Variants in H6PD observed in about 807,000 individuals in gnomAD.
H6PD encodes the protein GDH/6PGL endoplasmic bifunctional protein.
In H6PD, 48 loss-of-function variants were observed where a neutral mutation model predicts 61.2. The observed-to-expected ratio is 0.78, with a 90% CI of 0.62 to 1.00. H6PD has a LOEUF of 1.00. Ranked by LOEUF, H6PD falls within the 50% of genes least tolerant of loss-of-function variation. The probability of loss-of-function intolerance (pLI) is 0.00; values close to 1 mark genes in which losing one functional copy is unlikely to be tolerated. For missense variants in H6PD, 1,093 were observed against 1,065.0 expected, an observed-to-expected ratio of 1.03 and a Z score of -0.37; for synonymous variants, 480 against 457.9, an observed-to-expected ratio of 1.05 and a Z score of -0.62.
rs1638434209 is a variant in H6PD at position 9,263,831 on chromosome 1, C to G, written c.1338C>G (p.Tyr446Ter). Reference protein sequence around the residue: ...LRLFGSPLSDYYAYSPVRERD... With the variant: ...LRLFGSPLSD ...TTTTCGGCAGCCCTCTGTCCGATTACTACGCCTACAGCCCTGTGCGGGAGC... is the reference window on the plus strand; with the variant it reads ...TTTTCGGCAGCCCTCTGTCCGATTAGTACGCCTACAGCCCTGTGCGGGAGC... The change falls in exon 5 of 5, where the codon TAC (tyrosine) becomes TAG (stop). Residue 446 changes from tyrosine to a stop codon, truncating the protein, a stop_gained. Transcript: ENST00000377403. LOFTEE classifies it high-confidence loss of function. 2 of 1,613,954 alleles carry G rather than the reference C, an allele frequency of 1.2e-6. No homozygotes were observed. The highest frequency in any genetic ancestry group is 1.7e-6 in the Non-Finnish European group (2 of 1,180,002).
In H6PD at chr1:9,260,553, T is replaced by A. The variant is rs184344364; in HGVS notation, c.746-1506T>A. 0.017 allele frequency among the ~76,000 whole-genome samples: 2,597 copies of A among 152,310 alleles called. 237 individuals carry two copies. In the East Asian group the frequency reaches 0.27, roughly 16 times the overall value. On this transcript the variant is annotated intron_variant, in intron 3 of 4. Coordinates refer to ENST00000377403, the MANE Select transcript of H6PD (RefSeq NM_004285.4). ...TACGTTGCTGCTGTTATGTTGCCGTTGTTACTCTGCTGTTGTTATGTTGTT... is the reference window on the plus strand; with the variant it reads ...TACGTTGCTGCTGTTATGTTGCCGTAGTTACTCTGCTGTTGTTATGTTGTT...
At chr1:9,243,035 C>A in intron 1 of H6PD, 1 of 878,702 alleles carries the variant, frequency 1.1e-6, no homozygotes, top group Non-Finnish European at 1.4e-6. Context: ...GGGGAGCCAC[C>A]CGTGTGGCCC....
At chr1:9,262,825 G>A (rs74053629) in intron 4 of H6PD, among the ~76,000 whole-genome samples, 7,722 of 152,294 alleles carry the variant, frequency 0.051, 670 homozygotes, top group African/African-American at 0.17. Context: ...AGCACGCGCC[G>A]TATGCCAGGT....
At chr1:9,239,069 CAG>C (rs1475168427) in intron 1 of H6PD, among the ~76,000 whole-genome samples, 22 of 150,810 alleles carry the variant, frequency 1.5e-4, no homozygotes, top group African/African-American at 5.1e-4. Context: ...TTTTTTGAGA[CAG>C]AGTCTCACTC....
At chr1:9,237,116 C>CT (rs1341588547) in intron 1 of H6PD, among the ~76,000 whole-genome samples, 1 of 151,648 alleles carries the variant, frequency 6.6e-6, no homozygotes, top group Non-Finnish European at 1.5e-5. Flanking sequence ...CAGTGTTTTA[C>CT]ATTTTGCCAT....
At chr1:9,237,927 A>G (rs1455231468) in intron 1 of H6PD, among the ~76,000 whole-genome samples, 5 of 152,224 alleles carry the variant, frequency 3.3e-5, no homozygotes, top group Non-Finnish European at 7.3e-5. Flanking sequence ...AGAACAAAAC[A>G]AACAAAAGTC....
At chr1:9,262,710 T>C (rs1032267092) in intron 4 of H6PD, among the ~76,000 whole-genome samples, 1 of 152,206 alleles carries the variant, frequency 6.6e-6, no homozygotes, top group South Asian at 2.1e-4. Context: ...CCAAGTGCCA[T>C]GCCAGGGCTG....
intron 1 of H6PD, among the ~76,000 whole-genome samples, chr1:9,235,348 C>T (rs1388995637): frequency 6.6e-6 from 1 of 152,108 alleles, no homozygotes; most frequent in African/African-American, 2.4e-5. Flanking sequence ...CATTGATTGG[C>T]CCTCGGGTTT....
chr1:9,239,413 T>G (rs1640934746), intron 1 of H6PD, among the ~76,000 whole-genome samples: 1 of 152,150 alleles, frequency 6.6e-6, no homozygotes, highest in African/African-American at 2.4e-5. Context: ...TTGTCCCCAT[T>G]CTGGCCCTTA....
intron 1 of H6PD, chr1:9,242,711 C>G (rs1353896982): frequency 3.0e-6 from 3 of 985,344 alleles, no homozygotes; most frequent in Non-Finnish European, 3.6e-6. Context: ...AGGCTTAGCT[C>G]CTCCCTTTGT....
chr1:9,260,500 T>C (rs564710966), intron 3 of H6PD, among the ~76,000 whole-genome samples: 23 of 152,280 alleles, frequency 1.5e-4, no homozygotes, highest in African/African-American at 5.5e-4. Context: ...CCAGTGTTGT[T>C]ACGTTGCTGT....
chr1:9,255,279 ATTT>A (rs59531924), intron 3 of H6PD, among the ~76,000 whole-genome samples: 1 of 151,536 alleles, frequency 6.6e-6, no homozygotes, highest in African/African-American at 2.4e-5. Flanking sequence ...TTATTTATTT[ATTT>A]TTTATTTTTT....
At chr1:9,236,726 C>G (rs1217699690) in intron 1 of H6PD, among the ~76,000 whole-genome samples, 1 of 150,706 alleles carries the variant, frequency 6.6e-6, no homozygotes, top group Non-Finnish European at 1.5e-5. Flanking sequence ...GTATGCCAGG[C>G]ATTGTGCTAA....
At chr1:9,255,005 G>T (rs1025558335) in intron 3 of H6PD, among the ~76,000 whole-genome samples, 1 of 152,184 alleles carries the variant, frequency 6.6e-6, no homozygotes, top group African/African-American at 2.4e-5. Context: ...GTTCACCCAT[G>T]TTCTAGCATG....
At chr1:9,250,440 C>G (rs1190874534) in intron 3 of H6PD, among the ~76,000 whole-genome samples, 2 of 145,734 alleles carry the variant, frequency 1.4e-5, no homozygotes, top group African/African-American at 5.2e-5. Context: ...GCAGGCCATT[C>G]TCCCCCACTC....
Position 9,251,436 on chromosome 1 carries a change from C to CTGTTGT in H6PD, c.745+4385_745+4390dup, listed in dbSNP as rs58988268. Among the ~76,000 whole-genome samples, 474 of 151,246 alleles carry CTGTTGT rather than the reference C, an allele frequency of 3.1e-3. 1 individual carries two copies. The highest frequency in any genetic ancestry group is 4.7e-3 in the African/African-American group (194 of 41,204). On this transcript the variant is annotated intron_variant, in intron 3 of 4. Transcript: ENST00000377403. ...GTTTCCCCTCTGTGTAGAAGGCCTG[C>CTGTTGT]TGTTGTTGTTGTTGTTGTTGTTGTT...
intron 2 of H6PD, 141 bp from the exon 3 acceptor site, chr1:9,246,825 C>T (rs894194087): frequency 1.7e-5 from 13 of 742,982 alleles, no homozygotes; most frequent in African/African-American, 5.1e-5. Flanking sequence ...CCTGTGAGAT[C>T]GTGAAGTCCA....
chr1:9,239,481 A>T (rs1640936200), intron 1 of H6PD, among the ~76,000 whole-genome samples: 1 of 152,206 alleles, frequency 6.6e-6, no homozygotes, highest in African/African-American at 2.4e-5. Context: ...ATCTGCATTG[A>T]TGGGTTCAGC....
chr1:9,245,797 G>A lies in H6PD; in HGVS notation c.627+236G>A, dbSNP rs76637581. Among the ~76,000 whole-genome samples, 1,842 of 152,212 alleles carry A rather than the reference G, an allele frequency of 0.012. 38 individuals are homozygous for A. The highest frequency in any genetic ancestry group is 0.042 in the African/African-American group (1,755 of 41,508). ...CTCTTTTGTCCTTTGCAAAGCCCCC[G>A]TTCTCGTTGTTTCCCAGTCTGGGCT... On this transcript the variant is annotated intron_variant, in intron 2 of 4. Transcript: ENST00000377403. This position sits in a 1 kb window ranked among gnomAD's most constrained non-coding sequence, Gnocchi z 4.8.
Sources: allele counts gnomAD v4.1 joint callset (sites outside exome capture counted in the v4.1 genomes callset), GRCh38; gene constraint gnomAD v4.1.1; non-coding constraint Gnocchi (gnomAD v3.1); transcripts MANE v1.5; gene names NCBI Gene and HGNC (gene_info 2026-07-23, HGNC 2026-07-21).